Variants in CPSF7 observed in about 807,000 individuals in gnomAD.
The protein encoded by CPSF7 is cleavage and polyadenylation specific factor 7, also known as cleavage and polyadenylation specificity factor subunit 7.
In CPSF7, 1 loss-of-function variant was observed where a neutral mutation model predicts 44.3. The ratio of observed to expected loss-of-function variants is 0.02; its 90% CI spans 0.01 to 0.11. The LOEUF (loss-of-function observed/expected upper bound fraction) is 0.11, where lower values mean the gene tolerates loss of function less well. CPSF7 is among the 10% of genes least tolerant of loss of function. The pLI is 1.00. For synonymous variants in CPSF7, 202 were observed against 222.0 expected (o/e 0.91, Z 0.80); for missense variants, 443 against 607.2 (o/e 0.73, Z 2.84).
chr11:61,425,317 CG>C (rs1861251453), intron 2 of CPSF7, among the ~76,000 whole-genome samples: 1 of 152,068 alleles, frequency 6.6e-6, no homozygotes, highest in Non-Finnish European at 1.5e-5. Flanking sequence ...TTTTTCTCAG[CG>C]GATTTATGCA....
chr11:61,429,357 A>G (rs909826103), intron 1 of CPSF7, 67 bp from the exon 2 acceptor site: 2 of 924,470 alleles, frequency 2.2e-6, no homozygotes, highest in Non-Finnish European at 3.6e-6. Context: ...GAGGGTAATG[A>G]TTGCTAACCT....
intron 4 of CPSF7, 128 bp downstream of exon 4, chr11:61,420,342 T>C (rs1860748898): frequency 1.2e-6 from 1 of 862,104 alleles, no homozygotes; most frequent in Non-Finnish European, 1.8e-6. Context: ...TCTAAGGCAG[T>C]TTGCCAAAAC....
At position 61,420,061 on chromosome 11, in the gene CPSF7, A is replaced by C. The variant is rs1405459103; in HGVS notation, c.411T>G (p.Ser137=). ...GTAGGAGTTCCAACAATTTGTGGAC[A>C]GAGTTTTCAGAGGCTACCACCACCT... ...YAEVVVASEN[S]VHKLLELLPG... is the part of the protein sequence containing the mutation. Residue 137 remains serine, a synonymous_variant, in exon 5 of 10, where the codon TCT becomes TCG. Transcript: ENST00000439958. 1.2e-6 allele frequency: 2 copies of C among 1,614,026 alleles called. No individual in the cohort carries two copies. Among genetic ancestry groups the C allele is most frequent in the Admixed American group, 1.7e-5 (1 of 60,002 alleles).
rs773014550 is a variant in CPSF7, at chr11:61,429,138, T to A, written c.54+44A>T. ...CTGCCAGTTTGCTGAAAATGATTCC[T>A]CAGATGATCAAGGAAAATCCCAAAG... On this transcript the variant is annotated intron_variant, in intron 2 of 9. Transcript: ENST00000439958. The A allele has an allele frequency of 5.2e-6, 6 of 1,157,754 alleles. No homozygotes were observed. In the East Asian group the frequency reaches 1.4e-4, roughly 27 times the overall value. The allele number at this position is 1,157,754 out of a possible 1,614,324, so 71.7% of individuals were successfully genotyped here. A position where few individuals can be genotyped will look rare whatever the true frequency, so the allele number is the denominator to read the frequency against.
At chr11:61,420,405 T>G in intron 4 of CPSF7, 65 bp downstream of exon 4, 1 of 1,438,074 alleles carries the variant, frequency 7.0e-7, no homozygotes, top group Non-Finnish European at 9.8e-7. Flanking sequence ...AGGGCCAAAA[T>G]ATAGTACAGA....
At chr11:61,429,795 G>A (rs184356950) in intron 1 of CPSF7, 119 bp downstream of exon 1, 1 of 1,546,536 alleles carries the variant, frequency 6.5e-7, no homozygotes. Context: ...CAAAAGGCCC[G>A]CGACTCCCTC....
chr11:61,407,845 T>G (rs551181019), intron 9 of CPSF7, among the ~76,000 whole-genome samples: 9 of 152,198 alleles, frequency 5.9e-5, no homozygotes, highest in Non-Finnish European at 8.8e-5. Context: ...TTTAGTAGGT[T>G]GTCACTGGGC....
intron 5 of CPSF7, 52 bp from the exon 6 acceptor site, chr11:61,416,571 C>A: frequency 6.4e-7 from 1 of 1,567,760 alleles, no homozygotes; most frequent in Non-Finnish European, 8.8e-7. Flanking sequence ...CACAAACCCA[C>A]AGGACCAGTT....
chr11:61,429,860 C>A, intron 1 of CPSF7, 54 bp downstream of exon 1: 1 of 1,539,998 alleles, frequency 6.5e-7, no homozygotes, highest in Non-Finnish European at 8.7e-7. Flanking sequence ...GCCTCAGTGC[C>A]GGCCCGGACC....
Position 61,409,790 on chromosome 11 carries a change from A to G in CPSF7, c.*5+1148T>C, listed in dbSNP as rs371078494. Among the ~76,000 whole-genome samples the G allele has an allele frequency of 3.8e-4, 58 of 151,896 alleles. 1 individual carries two copies. The highest frequency in any genetic ancestry group is 1.4e-3 in the African/African-American group (57 of 41,428). On this transcript the variant is annotated intron_variant, in intron 9 of 9. Transcript: ENST00000439958. ...GGAGTTCAAGGCCAACCTGGCCAGTATGGTAAAGCCCCGCCTCTACTAAAA... is the reference window on the plus strand; with the variant it reads ...GGAGTTCAAGGCCAACCTGGCCAGTGTGGTAAAGCCCCGCCTCTACTAAAA...
chr11:61,426,009 C>T (rs947496823), intron 2 of CPSF7, among the ~76,000 whole-genome samples: 3 of 152,240 alleles, frequency 2.0e-5, no homozygotes. Context: ...TGATCTCAGT[C>T]ACCTTTCCAG....
chr11:61,408,748 A>C (rs777973339), intron 9 of CPSF7, among the ~76,000 whole-genome samples: 2 of 152,226 alleles, frequency 1.3e-5, no homozygotes, highest in African/African-American at 4.8e-5. Flanking sequence ...AAAGCAACAG[A>C]GAAAAGCAGA....
chr11:61,417,411 G>T (rs1860440405), intron 5 of CPSF7, among the ~76,000 whole-genome samples: 1 of 152,220 alleles, frequency 6.6e-6, no homozygotes, highest in African/African-American at 2.4e-5. Context: ...GGTTAAACTT[G>T]TTCCTTCTCT....
At chr11:61,423,327 C>T (rs1861070829) in intron 2 of CPSF7, among the ~76,000 whole-genome samples, 1 of 151,880 alleles carries the variant, frequency 6.6e-6, no homozygotes, top group Non-Finnish European at 1.5e-5. Context: ...CACACACCAC[C>T]ATGCCCAGCT....
At chr11:61,412,065 C>T in intron 7 of CPSF7, 128 bp from the exon 8 acceptor site, 1 of 707,328 alleles carries the variant, frequency 1.4e-6, no homozygotes, top group South Asian at 1.8e-5. Context: ...GTAAAAGAGA[C>T]AAGGCAGATG....
chr11:61,422,238 C>T (rs1332963905), intron 2 of CPSF7, among the ~76,000 whole-genome samples: 4 of 151,808 alleles, frequency 2.6e-5, no homozygotes, highest in African/African-American at 9.7e-5. Flanking sequence ...GGAATAACAA[C>T]AGGGGTTTTC....
At chr11:61,416,605 C>A (rs1057191984) in intron 5 of CPSF7, 86 bp from the exon 6 acceptor site, 3 of 1,385,502 alleles carry the variant, frequency 2.2e-6, no homozygotes, top group Non-Finnish European at 3.0e-6. Context: ...TTATCAGACA[C>A]CCTACAAAGG....
At chr11:61,422,895 C>T (rs1203473183) in intron 2 of CPSF7, among the ~76,000 whole-genome samples, 4 of 151,790 alleles carry the variant, frequency 2.6e-5, no homozygotes, top group South Asian at 2.1e-4. Flanking sequence ...CACTTTAGGA[C>T]GCAGAGATAG....
At chr11:61,429,845 T>A in intron 1 of CPSF7, 69 bp downstream of exon 1, 1 of 1,544,494 alleles carries the variant, frequency 6.5e-7, no homozygotes, top group African/African-American at 1.4e-5. Flanking sequence ...ACCGACCCCC[T>A]TCCCGCCTCA....
Sources: allele counts gnomAD v4.1 joint callset (sites outside exome capture counted in the v4.1 genomes callset), GRCh38; gene constraint gnomAD v4.1.1; transcripts MANE v1.5; gene names NCBI Gene and HGNC (gene_info 2026-07-23, HGNC 2026-07-21).